OXR1: variants seen among roughly 807,000 people sequenced by gnomAD.
The protein encoded by OXR1 is oxidation resistance 1, also known as oxidation resistance protein 1.
A neutral mutation model predicts 104.6 loss-of-function variants in OXR1; 41 were observed. That is an observed-to-expected ratio of 0.39 (90% CI 0.31 to 0.51). The LOEUF (loss-of-function observed/expected upper bound fraction) is 0.51. Among genes scored for constraint, OXR1 ranks in the 20% least tolerant of loss-of-function variants. The pLI, the probability that OXR1 is intolerant of heterozygous loss-of-function variation, is 0.77. For synonymous variants in OXR1, 348 were observed against 348.4 expected, an observed-to-expected ratio of 1.00 and a Z score of 0.01; for missense variants, 955 against 1,031.9, an observed-to-expected ratio of 0.93 and a Z score of 1.02.
At chr8:106,595,550 CAAAA>C (rs67790797) in intron 3 of OXR1, among the ~76,000 whole-genome samples, 2 of 60,738 alleles carry the variant, frequency 3.3e-5, no homozygotes, top group African/African-American at 5.3e-5. Context: ...AACTCCGTCT[CAAAA>C]AAAAAAAAAA....
chr8:106,699,379 G>GTTGT (rs1180424557), intron 7 of OXR1, among the ~76,000 whole-genome samples: 3 of 152,106 alleles, frequency 2.0e-5, no homozygotes, highest in Non-Finnish European at 2.9e-5. Context: ...TCATTTCTGG[G>GTTGT]TTGTTTGTTT....
chr8:106,609,236 C>T (rs1820631045), intron 3 of OXR1, among the ~76,000 whole-genome samples: 1 of 151,858 alleles, frequency 6.6e-6, no homozygotes, highest in African/African-American at 2.4e-5. Context: ...AAGAGCCCAT[C>T]TCAAAAAAGT....
At chr8:106,474,684 T>C (rs1294884596) in intron 2 of OXR1, among the ~76,000 whole-genome samples, 1 of 151,912 alleles carries the variant, frequency 6.6e-6, no homozygotes, top group African/African-American at 2.4e-5. Context: ...CAGAGGTGAG[T>C]AGTTGTGACA....
chr8:106,592,316 G>T (rs1002497706), intron 3 of OXR1, among the ~76,000 whole-genome samples: 1 of 152,136 alleles, frequency 6.6e-6, no homozygotes, highest in African/African-American at 2.4e-5. Context: ...AATAATAGAT[G>T]TATTAAATAG....
At position 106,519,058 on chromosome 8, in the gene OXR1, A is replaced by G; in HGVS notation, c.139A>G (p.Ile47Val). The stretch of plus-strand genomic sequence containing the variant: ...GCCCCCGGCACCCAAGACCCCCATC[A>G]TTGAAGAAGAGCAGAACAATGCAGC... ...SKPPAPKTPI[I>V]EEEQNNAANT... Residue 47 changes from isoleucine to valine, a missense_variant, in exon 3 of 17, where the codon ATT becomes GTT. Physicochemically the swap from Ile to Val is conservative, Grantham distance 29. This residue lies in a region of OXR1 where 849 missense variants were observed against 852.9 expected (regional missense o/e 1.00). Coordinates refer to ENST00000517566, the MANE Select transcript of OXR1 (RefSeq NM_001198533.2). The G allele has an allele frequency of 1.3e-6, 2 of 1,552,124 alleles. No homozygotes were observed. Among genetic ancestry groups the G allele is most frequent in the Non-Finnish European group, 8.7e-7 (1 of 1,147,016 alleles).
intron 2 of OXR1, among the ~76,000 whole-genome samples, chr8:106,395,954 C>T (rs1230644508): frequency 3.3e-5 from 5 of 152,080 alleles, no homozygotes; most frequent in Non-Finnish European, 7.4e-5. Context: ...GGCACAGGGG[C>T]CAACCTAAAT....
chr8:106,297,521 G>A (rs1262640672), intron 1 of OXR1, among the ~76,000 whole-genome samples: 2 of 152,074 alleles, frequency 1.3e-5, no homozygotes, highest in Non-Finnish European at 1.5e-5. Context: ...TGTACAGTAC[G>A]TTATTGTACC....
At chr8:106,471,400 C>T (rs1183373853) in intron 2 of OXR1, among the ~76,000 whole-genome samples, 1 of 151,748 alleles carries the variant, frequency 6.6e-6, no homozygotes, top group African/African-American at 2.4e-5. Flanking sequence ...TTCAATCCAG[C>T]CTAGGAACCT....
rs1476414684 is a variant in OXR1 at position 106,518,861 on chromosome 8, A to G, written c.24-82A>G. The G allele has an allele frequency of 1.3e-5, 13 of 1,009,928 alleles. No homozygotes were observed. In the Admixed American group the frequency reaches 2.0e-4, roughly 16 times the overall value. 62.6% of individuals were successfully genotyped at this position (1,009,928 alleles called of 1,614,324 possible). A position where few individuals can be genotyped will look rare whatever the true frequency, so the allele number is the denominator to read the frequency against. On this transcript the variant is annotated intron_variant, in intron 2 of 16. Transcript: ENST00000517566. ...CTATCTCAAGGTTAAATATAACTCA[A>G]TTGTTGAAAAAAAATTATAAACATG...
intron 1 of OXR1, among the ~76,000 whole-genome samples, chr8:106,302,107 TAA>T (rs1317228847): frequency 6.6e-6 from 1 of 152,192 alleles, no homozygotes; most frequent in African/African-American, 2.4e-5. Flanking sequence ...CCTAACTTTA[TAA>T]AGAGTTCATG....
At chr8:106,306,563 T>C (rs540497295) in intron 1 of OXR1, among the ~76,000 whole-genome samples, 132 of 152,250 alleles carry the variant, frequency 8.7e-4, no homozygotes, top group African/African-American at 2.9e-3. Context: ...TTGTGGTATA[T>C]TCATAAAATG....
At chr8:106,461,685 G>C (rs1459836317) in intron 2 of OXR1, among the ~76,000 whole-genome samples, 1 of 152,108 alleles carries the variant, frequency 6.6e-6, no homozygotes, top group African/African-American at 2.4e-5. Flanking sequence ...CTGATTCTCA[G>C]TTTCTTTATT....
intron 2 of OXR1, among the ~76,000 whole-genome samples, chr8:106,427,528 A>G (rs987022636): frequency 6.6e-6 from 1 of 152,120 alleles, no homozygotes; most frequent in Non-Finnish European, 1.5e-5. Context: ...GTCACTGTAC[A>G]TTGTCGTCAC....
rs1834819212 is a variant in OXR1, at chr8:106,740,398, G to T, written c.2219G>T (p.Gly740Val). The change falls in exon 14 of 17, where the codon GGT (glycine) becomes GTT (valine). Residue 740 changes from glycine to valine, a missense_variant. Gly to Val is a moderately radical substitution (Grantham distance 109, BLOSUM62 -3). This residue lies in a region of OXR1 where 106 missense variants were observed against 179.0 expected (regional missense o/e 0.59). Transcript: ENST00000517566. ...TIGYPWTLVY[G>V]TGKHGTSLKT... ...GGCTATCCATGGACTCTTGTTTATG[G>T]TACTGGAAAACATGGCACAAGCTTG... is the stretch of plus-strand genomic sequence containing the variant. 6.2e-7 allele frequency: 1 copy of T among 1,612,874 alleles called. No individual in the cohort carries two copies. Among genetic ancestry groups the T allele is most frequent in the Non-Finnish European group, 8.5e-7 (1 of 1,179,306 alleles).
chr8:106,649,933 T>A (rs1330055725), intron 3 of OXR1, among the ~76,000 whole-genome samples: 1 of 152,144 alleles, frequency 6.6e-6, no homozygotes, highest in Non-Finnish European at 1.5e-5. Context: ...CCTGACTTCA[T>A]GATCCGCCCA....
intron 2 of OXR1, among the ~76,000 whole-genome samples, chr8:106,405,235 G>A (rs1229016640): frequency 5.9e-5 from 7 of 118,258 alleles, no homozygotes; most frequent in African/African-American, 2.6e-4. Flanking sequence ...GTGTGTGTGT[G>A]TGTGTATAGG....
intron 7 of OXR1, among the ~76,000 whole-genome samples, chr8:106,696,399 A>T (rs955609523): frequency 1.3e-5 from 2 of 152,156 alleles, no homozygotes; most frequent in African/African-American, 4.8e-5. Context: ...ATCACTCTTA[A>T]GTTTTGGCAC....
rs1385938619 is a variant in OXR1, at chr8:106,348,529, G to GCAATCCA, written c.-138-10942_-138-10941insCACAATC. 2.6e-5 allele frequency among the ~76,000 whole-genome samples: 4 copies of GCAATCCA among 151,584 alleles called. No homozygotes were observed. In the South Asian group the frequency reaches 6.3e-4, roughly 24 times the overall value. On this transcript the variant is annotated intron_variant, in intron 1 of 16. Transcript: ENST00000517566. ...TTTTTTTAACTTAAACTGTTTTTTG[G>GCAATCCA]CAATCTTTTTTATTGGGCAATCCAC... is the stretch of plus-strand genomic sequence containing the variant.
intron 3 of OXR1, among the ~76,000 whole-genome samples, chr8:106,611,006 G>A (rs1820773297): frequency 6.6e-6 from 1 of 152,172 alleles, no homozygotes; most frequent in Non-Finnish European, 1.5e-5. Context: ...TATTTTGGGT[G>A]CAGTGAACAT....
Sources: allele counts gnomAD v4.1 joint callset (sites outside exome capture counted in the v4.1 genomes callset), GRCh38; gene constraint gnomAD v4.1.1; regional missense constraint gnomAD v4.1.1; transcripts MANE v1.5; gene names NCBI Gene and HGNC (gene_info 2026-07-23, HGNC 2026-07-21).